Variants in RNF146 observed in about 807,000 individuals in gnomAD.
RNF146 encodes ring finger protein 146.
Under a neutral mutation model 29.7 loss-of-function variants are expected in RNF146, and 11 were observed. That is an observed-to-expected ratio of 0.37 (90% confidence interval 0.23 to 0.61). RNF146 has a LOEUF of 0.61. RNF146 is among the 20% of genes least tolerant of loss of function. RNF146 has a pLI of 0.66. For missense variants in RNF146, 342 were observed against 438.9 expected (o/e 0.78, Z 1.97); for synonymous variants, 150 against 159.7 (o/e 0.94, Z 0.46).
intron 1 of RNF146, among the ~76,000 whole-genome samples, chr6:127,268,478 C>G (rs1456926694): frequency 1.2e-4 from 18 of 152,142 alleles, no homozygotes; most frequent in Admixed American, 1.1e-3. Context: ...AATAGGTCAA[C>G]TAAATCTCGT....
rs1361575171 is a variant in RNF146, at chr6:127,286,996, C to A, written c.383C>A (p.Ala128Asp). The change falls in exon 3 of 3, where the codon GCT becomes GAT. Residue 128 changes from alanine (A) to aspartate (D), a missense_variant. Ala to Asp is a moderately radical substitution (Grantham distance 126). Around this residue, in one of 6 missense-constraint regions of RNF146, gnomAD observed 50 missense variants for 54.9 expected, o/e 0.91. Transcript: ENST00000368314. This position sits in a 1 kb window ranked among gnomAD's most constrained non-coding sequence, Gnocchi z 4.6. ...CGCACTAGTAGAGAGCTGGAAGATG[C>A]TTTTTCCAAAGGTAAAAAGAACACT... ...DERTSRELED[A>D]FSKGKKNTEM... is the part of the protein sequence containing the mutation. 1 of 1,613,356 alleles carries A rather than the reference C, an allele frequency of 6.2e-7. No homozygotes were observed. The highest frequency in any genetic ancestry group is 1.3e-5 in the African/African-American group (1 of 74,950).
chr6:127,286,398 A>G lies in RNF146; in HGVS notation c.3-218A>G. Reference sequence around the variant, plus strand: ...GCTGATCTGTTAAGTGCACTGATGGAATTTTTATACATTCCCAAGGTATGT... The same window carrying G: ...GCTGATCTGTTAAGTGCACTGATGGGATTTTTATACATTCCCAAGGTATGT... On this transcript the variant is annotated intron_variant, in intron 2 of 2. Coordinates refer to ENST00000368314, the MANE Select transcript of RNF146 (RefSeq NM_001242850.2). The surrounding 1 kb of genome is among the most constrained non-coding windows in gnomAD (Gnocchi z 4.6). The G allele has an allele frequency of 1.5e-6, 1 of 646,202 alleles. No individual in the cohort carries two copies. The highest frequency in any genetic ancestry group is 4.3e-4 in the Middle Eastern group (1 of 2,326). 40.0% of individuals were successfully genotyped at this position (646,202 alleles called of 1,614,324 possible).
At chr6:127,277,635 A>G (rs971301915) in intron 1 of RNF146, among the ~76,000 whole-genome samples, 1 of 152,096 alleles carries the variant, frequency 6.6e-6, no homozygotes. Context: ...AGCATCCAGT[A>G]CAGGAGAAAG....
chr6:127,286,639 A>G lies in RNF146; in HGVS notation c.26A>G (p.Asp9Gly), dbSNP rs1157771484. Residue 9 changes from aspartate to glycine, a missense_variant, in exon 3 of 3, where the codon GAT becomes GGT. Asp to Gly is a moderately conservative substitution (Grantham distance 94). Around this residue, in one of 6 missense-constraint regions of RNF146, gnomAD observed 39 missense variants for 43.1 expected, o/e 0.90. Transcript: ENST00000368314. The surrounding 1 kb of genome is among the most constrained non-coding windows in gnomAD (Gnocchi z 4.6). The part of the protein sequence containing the change: MMAGCGEI[D>G]HSINMLPTNR... ...AGGATGGCTGGCTGTGGTGAAATTGATCATTCAATAAACATGCTTCCTACA... is the reference window on the plus strand; with the variant it reads ...AGGATGGCTGGCTGTGGTGAAATTGGTCATTCAATAAACATGCTTCCTACA... 6.2e-7 allele frequency: 1 copy of G among 1,609,268 alleles called. No individual in the cohort carries two copies.
chr6:127,273,476 A>G (rs1297214385), intron 1 of RNF146, among the ~76,000 whole-genome samples: 1 of 152,158 alleles, frequency 6.6e-6, no homozygotes, highest in Non-Finnish European at 1.5e-5. Context: ...CATTCATAAT[A>G]TACCTAATTT....
At chr6:127,280,135 C>T (rs1003211404) in intron 1 of RNF146, 96 bp from the exon 2 acceptor site, 14 of 537,916 alleles carry the variant, frequency 2.6e-5, no homozygotes, top group African/African-American at 1.7e-4. Flanking sequence ...TAATTTTTCC[C>T]ACTTTTAAGA....
chr6:127,287,742 A>T lies in RNF146; in HGVS notation c.*49A>T. 4 of 1,210,460 alleles carry T rather than the reference A, an allele frequency of 3.3e-6. No homozygotes were observed. The highest frequency in any genetic ancestry group is 4.7e-6 in the Non-Finnish European group (4 of 852,632). The allele number at this position is 1,210,460 out of a possible 1,614,324, so 75.0% of individuals were successfully genotyped here. On this transcript the variant is annotated 3_prime_UTR_variant, in exon 3 of 3. Coordinates refer to ENST00000368314, the MANE Select transcript of RNF146 (RefSeq NM_001242850.2). ...CTCAAGGTTGAAAGGGTTACCTGTAAATTTCTGCCCACATAACATTATACT... is the reference window on the plus strand; with the variant it reads ...CTCAAGGTTGAAAGGGTTACCTGTATATTTCTGCCCACATAACATTATACT...
chr6:127,286,840 A>G lies in RNF146; in HGVS notation c.227A>G (p.Gln76Arg). Residue 76 changes from glutamine to arginine, a missense_variant, in exon 3 of 3, where the codon CAA becomes CGA. By Grantham distance (43) the Gln-to-Arg change is conservative. Around this residue, in one of 6 missense-constraint regions of RNF146, gnomAD observed 27 missense variants for 66.0 expected, o/e 0.41. Transcript: ENST00000368314. The surrounding 1 kb of genome is among the most constrained non-coding windows in gnomAD (Gnocchi z 4.6). ...WLGKRCALCRQEIPEDFLDKP... is the reference protein window; with the variant it reads ...WLGKRCALCRREIPEDFLDKP... ...GGAAAGCGGTGTGCTCTTTGTCGAC[A>G]AGAAATTCCCGAGGATTTCCTTGAC... is the stretch of plus-strand genomic sequence containing the variant. 1 of 1,613,302 alleles carries G rather than the reference A, an allele frequency of 6.2e-7. No individual in the cohort carries two copies. The highest frequency in any genetic ancestry group is 8.5e-7 in the Non-Finnish European group (1 of 1,179,614).
intron 1 of RNF146, among the ~76,000 whole-genome samples, chr6:127,273,648 T>C (rs553301769): frequency 4.6e-5 from 7 of 152,226 alleles, no homozygotes; most frequent in Admixed American, 4.6e-4. Flanking sequence ...AAAGGTCAGC[T>C]GTATGAGGTT....
chr6:127,271,972 A>ATAGAAAATTTGAAATTG (rs1777564572), intron 1 of RNF146, among the ~76,000 whole-genome samples: 1 of 152,184 alleles, frequency 6.6e-6, no homozygotes, highest in Non-Finnish European at 1.5e-5. Context: ...AATGTGGCTA[A>ATAGAAAATTTGAAATTG]TAGAAAATTT....
At position 127,287,772 on chromosome 6, in the gene RNF146, C is replaced by G. The variant is rs1160398959; in HGVS notation, c.*79C>G. ...CTGCCCACATAACATTATACTCATC[C>G]CTAGTAGTGCATTTTGGGAGTTGGG... On this transcript the variant is annotated 3_prime_UTR_variant, in exon 3 of 3. Transcript: ENST00000368314. 1 of 859,932 alleles carries G rather than the reference C, an allele frequency of 1.2e-6. No homozygotes were observed. The highest frequency in any genetic ancestry group is 1.7e-5 in the African/African-American group (1 of 58,896). The allele number at this position is 859,932 out of a possible 1,614,324, so 53.3% of individuals were successfully genotyped here. A position where few individuals can be genotyped will look rare whatever the true frequency, so the allele number is the denominator to read the frequency against.
rs1779737399 is a variant in RNF146, at chr6:127,287,863, T to G, written c.*170T>G. ...GTCTAACATGTCTCTGTTGAGAAAT[T>G]TATTTAATGTAAGGAACTTGGGTGT... On this transcript the variant is annotated 3_prime_UTR_variant, in exon 3 of 3. Coordinates refer to ENST00000368314, the MANE Select transcript of RNF146 (RefSeq NM_001242850.2). 7 of 533,390 alleles carry G rather than the reference T, an allele frequency of 1.3e-5. No individual in the cohort carries two copies. The South Asian group carries it at 2.2e-4, about 17-fold the overall frequency. 33.0% of individuals were successfully genotyped at this position (533,390 alleles called of 1,614,324 possible).
chr6:127,287,812 G>T lies in RNF146; in HGVS notation c.*119G>T. On this transcript the variant is annotated 3_prime_UTR_variant, in exon 3 of 3. Transcript: ENST00000368314. The stretch of plus-strand genomic sequence containing the variant: ...TGGGAGTTGGGGTGGGAAGGGGTAT[G>T]GGAAGGATAGACTCATAATTAAAAT... 1.5e-6 allele frequency: 1 copy of T among 670,140 alleles called. No individual in the cohort carries two copies. Among genetic ancestry groups the T allele is most frequent in the East Asian group, 2.5e-5 (1 of 39,334 alleles). 41.5% of individuals were successfully genotyped at this position (670,140 alleles called of 1,614,324 possible). A position where few individuals can be genotyped will look rare whatever the true frequency, so the allele number is the denominator to read the frequency against.
chr6:127,268,896 A>G (rs559967100), intron 1 of RNF146, among the ~76,000 whole-genome samples: 1 of 152,214 alleles, frequency 6.6e-6, no homozygotes, highest in African/African-American at 2.4e-5. Context: ...AGTCAAAAGA[A>G]GAAAAGGATA....
At position 127,286,263 on chromosome 6, in the gene RNF146, C is replaced by T; in HGVS notation, c.3-353C>T. The T allele has an allele frequency of 9.7e-7, 1 of 1,032,332 alleles. No homozygotes were observed. The highest frequency in any genetic ancestry group is 1.2e-6 in the Non-Finnish European group (1 of 805,680). The allele number at this position is 1,032,332 out of a possible 1,614,324, so 63.9% of individuals were successfully genotyped here. ...CTCTAAAACTCAGATTTTTAGATTT[C>T]TTGTCTAGCATTCATTTCACTGTAT... is the stretch of plus-strand genomic sequence containing the variant. On this transcript the variant is annotated intron_variant, in intron 2 of 2. Transcript: ENST00000368314. This position sits in a 1 kb window ranked among gnomAD's most constrained non-coding sequence, Gnocchi z 4.6.
intron 2 of RNF146, among the ~76,000 whole-genome samples, chr6:127,284,389 C>T (rs772068992): frequency 6.6e-6 from 1 of 151,750 alleles, no homozygotes; most frequent in Non-Finnish European, 1.5e-5. Context: ...TCTATTTAGT[C>T]TCATGAATAG....
chr6:127,275,144 AAG>A (rs1778025718), intron 1 of RNF146, among the ~76,000 whole-genome samples: 1 of 152,108 alleles, frequency 6.6e-6, no homozygotes, highest in Non-Finnish European at 1.5e-5. Flanking sequence ...TTATTGGGGA[AAG>A]AGCTTTGTGA....
upstream of RNF146, chr6:127,266,766 G>C (rs933580326): frequency 2.6e-5 from 4 of 152,084 alleles, no homozygotes; most frequent in East Asian, 3.9e-4. Flanking sequence ...TGAGGCGCCG[G>C]AGTTAGCTCG....
chr6:127,273,680 A>G (rs1334377895), intron 1 of RNF146, among the ~76,000 whole-genome samples: 4 of 152,160 alleles, frequency 2.6e-5, no homozygotes, highest in Non-Finnish European at 2.9e-5. Context: ...TCTTTAAAGA[A>G]AGAAATGACA....
Sources: allele counts gnomAD v4.1 joint callset (sites outside exome capture counted in the v4.1 genomes callset), GRCh38; gene constraint gnomAD v4.1.1; regional missense constraint gnomAD v4.1.1; non-coding constraint Gnocchi (gnomAD v3.1); transcripts MANE v1.5; gene names NCBI Gene and HGNC (gene_info 2026-07-23, HGNC 2026-07-21).